The following KAT6B variants were observed in gnomAD, a reference collection of about 807,000 sequenced individuals.
KAT6B encodes the protein lysine acetyltransferase 6B.
A neutral mutation model predicts 187.5 loss-of-function variants in KAT6B; 10 were observed. The ratio of observed to expected loss-of-function variants is 0.05; its 90% CI spans 0.03 to 0.09. The LOEUF is 0.09. Among genes scored for constraint, KAT6B ranks in the 10% least tolerant of loss-of-function variants. The pLI is 1.00. For synonymous variants in KAT6B, 861 were observed against 926.8 expected (o/e 0.93, Z 1.29); for missense variants, 1,952 against 2,558.9 (o/e 0.76, Z 5.12).
chr10:75,029,215 T>C lies in KAT6B; in HGVS notation c.4391T>C (p.Val1464Ala). 1 of 1,614,116 alleles carries C rather than the reference T, an allele frequency of 6.2e-7. No individual in the cohort carries two copies. The highest frequency in any genetic ancestry group is 8.5e-7 in the Non-Finnish European group (1 of 1,180,028). Residue 1464 changes from valine to alanine, a missense_variant, in exon 18 of 18, where the codon GTG (valine) becomes GCG (alanine). Val to Ala is a moderately conservative substitution (Grantham distance 64, BLOSUM62 0). Transcript: ENST00000287239. This position sits in a 1 kb window ranked among gnomAD's most constrained non-coding sequence, Gnocchi z 6.2. ...ENQETFLDLN[V>A]QPGHSNPEVL... ...CAGGAGACTTTTTTAGACCTTAATG[T>C]GCAGCCTGGTCACTCGAACCCAGAG...
intron 13 of KAT6B, among the ~76,000 whole-genome samples, chr10:74,992,123 C>G (rs1378975333): frequency 6.6e-6 from 1 of 152,014 alleles, no homozygotes; most frequent in Non-Finnish European, 1.5e-5. Context: ...GGTAAATGAG[C>G]CTGGGGCCTT....
At chr10:74,934,391 A>G (rs1849097011) in intron 3 of KAT6B, among the ~76,000 whole-genome samples, 1 of 152,230 alleles carries the variant, frequency 6.6e-6, no homozygotes, top group South Asian at 2.1e-4. Flanking sequence ...CATAAAATCC[A>G]CTAAACTCAG....
At chr10:74,912,982 G>A (rs748017164) in intron 3 of KAT6B, among the ~76,000 whole-genome samples, 3 of 152,158 alleles carry the variant, frequency 2.0e-5, no homozygotes, top group African/African-American at 4.8e-5. Context: ...CAAAAAAGTG[G>A]ATCTAACTGT....
intron 16 of KAT6B, among the ~76,000 whole-genome samples, chr10:75,023,033 A>T (rs1275877357): frequency 6.6e-6 from 1 of 152,188 alleles, no homozygotes; most frequent in East Asian, 1.9e-4. Context: ...TTTGATGGTG[A>T]TATTTTGCAT....
At chr10:74,849,885 A>T (rs1324155509) in intron 3 of KAT6B, among the ~76,000 whole-genome samples, 1 of 151,770 alleles carries the variant, frequency 6.6e-6, no homozygotes, top group East Asian at 1.9e-4. Context: ...TTCTGACGAG[A>T]CAGTCTGACC....
intron 7 of KAT6B, among the ~76,000 whole-genome samples, chr10:74,974,921 CTATT>C (rs1321077549): frequency 3.3e-5 from 5 of 152,098 alleles, no homozygotes; most frequent in African/African-American, 4.8e-5. Context: ...TATCCAAACT[CTATT>C]TATATAAGTT....
chr10:74,895,914 T>C (rs1249561594), intron 3 of KAT6B, among the ~76,000 whole-genome samples: 1 of 152,190 alleles, frequency 6.6e-6, no homozygotes, highest in Non-Finnish European at 1.5e-5. Flanking sequence ...ATATTCTAGC[T>C]CTGTACCATT....
intron 3 of KAT6B, among the ~76,000 whole-genome samples, chr10:74,939,581 A>G (rs1052820823): frequency 2.0e-5 from 3 of 152,032 alleles, no homozygotes; most frequent in African/African-American, 4.8e-5. Flanking sequence ...TTGTATTTTT[A>G]GTAGAGACGG....
At chr10:74,947,971 T>C (rs1177916026) in intron 3 of KAT6B, among the ~76,000 whole-genome samples, 2 of 152,176 alleles carry the variant, frequency 1.3e-5, no homozygotes, top group Non-Finnish European at 2.9e-5. Context: ...TAAGGAGATT[T>C]AGAAACTCTG....
At chr10:74,954,690 C>G (rs1392462033) in intron 3 of KAT6B, among the ~76,000 whole-genome samples, 1 of 152,154 alleles carries the variant, frequency 6.6e-6, no homozygotes, top group East Asian at 1.9e-4. Flanking sequence ...TTTTGTTTTG[C>G]TTATACTTTG....
At chr10:74,901,153 G>A (rs147643364) in intron 3 of KAT6B, among the ~76,000 whole-genome samples, 8 of 152,026 alleles carry the variant, frequency 5.3e-5, no homozygotes, top group African/African-American at 1.4e-4. Context: ...AATAATTACC[G>A]TTGAATCAAA....
rs186093491 is a variant in KAT6B at position 74,996,597 on chromosome 10, C to T, written c.2629+7485C>T. 5.9e-3 allele frequency among the ~76,000 whole-genome samples: 896 copies of T among 151,946 alleles called. 10 individuals are homozygous for T. The highest frequency in any genetic ancestry group is 0.019 in the African/African-American group (771 of 41,428). On this transcript the variant is annotated intron_variant, in intron 13 of 17. Coordinates refer to ENST00000287239, the MANE Select transcript of KAT6B (RefSeq NM_012330.4). Reference sequence around the variant, plus strand: ...CATCCTGGCTAACATGGTGAAACCCCGTCTCTACTAAAAATGCAAAAATTA... The same window carrying T: ...CATCCTGGCTAACATGGTGAAACCCTGTCTCTACTAAAAATGCAAAAATTA...
In KAT6B at chr10:74,989,298, T is replaced by C. The variant is rs367605763; in HGVS notation, c.2629+186T>C. Among the ~76,000 whole-genome samples the C allele has an allele frequency of 2.0e-5, 3 of 152,320 alleles. 1 individual carries two copies. Among genetic ancestry groups the C allele is most frequent in the African/African-American group, 7.2e-5 (3 of 41,570 alleles). On this transcript the variant is annotated intron_variant, in intron 13 of 17. Coordinates refer to ENST00000287239, the MANE Select transcript of KAT6B (RefSeq NM_012330.4). Reference sequence around the variant, plus strand: ...GAAAAATGTACTGCTGCTCAGTGATTGTACTCTAGGAAATTGAGACTAGAT... The same window carrying C: ...GAAAAATGTACTGCTGCTCAGTGATCGTACTCTAGGAAATTGAGACTAGAT...
intron 1 of KAT6B, among the ~76,000 whole-genome samples, chr10:74,834,109 A>T (rs1469119548): frequency 3.3e-5 from 5 of 152,010 alleles, no homozygotes; most frequent in African/African-American, 1.2e-4. Flanking sequence ...TTCCCTGTGC[A>T]TTATGGTGTC....
chr10:74,994,857 A>G (rs1843330152), intron 13 of KAT6B, among the ~76,000 whole-genome samples: 1 of 151,910 alleles, frequency 6.6e-6, no homozygotes, highest in Admixed American at 6.6e-5. Flanking sequence ...AAATGTGCCC[A>G]TTGCTGCTTG....
chr10:75,004,108 C>T (rs956749651), intron 13 of KAT6B, among the ~76,000 whole-genome samples: 2 of 151,650 alleles, frequency 1.3e-5, no homozygotes, highest in Non-Finnish European at 2.9e-5. Context: ...CTAACGTTGA[C>T]TGGCATTTGC....
chr10:74,871,793 A>G (rs1297808694), intron 3 of KAT6B, among the ~76,000 whole-genome samples: 1 of 152,218 alleles, frequency 6.6e-6, no homozygotes, highest in Non-Finnish European at 1.5e-5. Context: ...AGAAACACAG[A>G]CATCCTCAGC....
chr10:74,924,985 T>G (rs1246272082), intron 3 of KAT6B, among the ~76,000 whole-genome samples: 2 of 152,188 alleles, frequency 1.3e-5, no homozygotes, highest in Non-Finnish European at 2.9e-5. Context: ...ATACTAGAAT[T>G]TATGGGGTGG....
At chr10:74,869,124 A>C (rs1471358181) in intron 3 of KAT6B, among the ~76,000 whole-genome samples, 1 of 152,162 alleles carries the variant, frequency 6.6e-6, no homozygotes, top group Non-Finnish European at 1.5e-5. Flanking sequence ...TTGAAGGGTG[A>C]AACACTGTTT....
Sources: allele counts gnomAD v4.1 joint callset (sites outside exome capture counted in the v4.1 genomes callset), GRCh38; gene constraint gnomAD v4.1.1; non-coding constraint Gnocchi (gnomAD v3.1); transcripts MANE v1.5; gene names NCBI Gene and HGNC (gene_info 2026-07-23, HGNC 2026-07-21).